Variants in ZNF860 observed in about 807,000 individuals in gnomAD.
The protein encoded by ZNF860 is zinc finger protein 860.
For synonymous variants in ZNF860, 206 were observed against 248.9 expected (o/e 0.83, Z 1.62); for missense variants, 641 against 759.2 (o/e 0.84, Z 1.83).
the ZNF860 span, among the ~76,000 whole-genome samples, chr3:32,003,930 G>A: frequency 2.6e-5 from 4 of 152,132 alleles, no homozygotes. Flanking sequence ...TGTTCACCCT[G>A]GCACAGAGGT....
the ZNF860 span, among the ~76,000 whole-genome samples, chr3:32,002,563 C>G: frequency 1.3e-5 from 2 of 152,094 alleles, no homozygotes; most frequent in Non-Finnish European, 2.9e-5. Context: ...GTCCAAAAAC[C>G]CCTCCTCCAA....
chr3:31,983,730 C>T (rs1281273698), intron 1 of ZNF860, among the ~76,000 whole-genome samples: 1 of 152,200 alleles, frequency 6.6e-6, no homozygotes, highest in Admixed American at 6.5e-5. Flanking sequence ...AGAAAGCTTT[C>T]CTTGACCTAC....
the ZNF860 span, among the ~76,000 whole-genome samples, chr3:32,000,896 A>G: frequency 6.6e-6 from 1 of 152,200 alleles, no homozygotes; most frequent in Non-Finnish European, 1.5e-5. Flanking sequence ...CAAACCAGAA[A>G]GCTTAGAGAC....
At chr3:31,999,513 ACCACGC>A in the ZNF860 span, among the ~76,000 whole-genome samples, 1 of 151,870 alleles carries the variant, frequency 6.6e-6, no homozygotes, top group Non-Finnish European at 1.5e-5. Context: ...GGCATGCACA[ACCACGC>A]CCACCTAATT....
rs532933324 is a variant in ZNF860, at chr3:31,990,931, G to A, written c.1852G>A (p.Gly618Arg). The change falls in exon 2 of 2, where the codon GGA becomes AGA. Residue 618 changes from glycine to arginine, a missense_variant. Gly to Arg is a moderately radical substitution (Grantham distance 125). Transcript: ENST00000360311. ...CATTAGACATCAGAGAATCCATACCGGACAGAAATCTTACAAATGTCATAA... is the reference window on the plus strand; with the variant it reads ...CATTAGACATCAGAGAATCCATACCAGACAGAAATCTTACAAATGTCATAA... The part of the protein sequence containing the change: ...HRIRHQRIHT[G>R]QKSYKCHKRG... 226 of 1,574,834 alleles carry A rather than the reference G, an allele frequency of 1.4e-4. 1 individual carries two copies. Among genetic ancestry groups the A allele is most frequent in the Middle Eastern group, 1.2e-3 (7 of 6,008 alleles).
downstream of ZNF860, among the ~76,000 whole-genome samples, chr3:31,995,004 A>G (rs1699075301): frequency 6.6e-6 from 1 of 152,208 alleles, no homozygotes; most frequent in African/African-American, 2.4e-5. Flanking sequence ...TCAGGATTTC[A>G]AAAGGGGAAG....
chr3:31,990,355 T>C lies in ZNF860; in HGVS notation c.1276T>C (p.Tyr426His), dbSNP rs574390239. 2.4e-5 allele frequency: 39 copies of C among 1,613,994 alleles called. No individual in the cohort carries two copies. Among genetic ancestry groups the C allele is most frequent in the Non-Finnish European group, 3.3e-5 (39 of 1,179,998 alleles). Residue 426 changes from tyrosine to histidine, a missense_variant, in exon 2 of 2, where the codon TAC (tyrosine) becomes CAC (histidine). Transcript: ENST00000360311. ...GAGAATCCATAATGAAGAGAGATCT[T>C]ACAAGTGTAATAAATGTGGCAAATT... ...HWRIHNEERS[Y>H]KCNKCGKFFR...
At chr3:32,004,326 C>T in the ZNF860 span, among the ~76,000 whole-genome samples, 1 of 152,110 alleles carries the variant, frequency 6.6e-6, no homozygotes, top group African/African-American at 2.4e-5. Context: ...GTGGTACTGG[C>T]TGCTTTTGCT....
chr3:31,989,740 C>T lies in ZNF860; in HGVS notation c.661C>T (p.Gln221Ter). The T allele has an allele frequency of 2.5e-6, 4 of 1,614,100 alleles. No individual in the cohort carries two copies. In the South Asian group the frequency reaches 3.3e-5, roughly 13 times the overall value. ...FFHSSLLTLK[Q>*]EVHIREKSFQ... Reference sequence around the variant, plus strand: ...CCATTCATCATTACTCACACTAAAACAGGAAGTACACATAAGAGAAAAATC... The same window carrying T: ...CCATTCATCATTACTCACACTAAAATAGGAAGTACACATAAGAGAAAAATC... Residue 221 changes from glutamine to a stop codon, truncating the protein, a stop_gained, in exon 2 of 2, where the codon CAG becomes TAG. Coordinates refer to ENST00000360311, the MANE Select transcript of ZNF860 (RefSeq NM_001137674.3). LOFTEE classifies it low-confidence loss of function (END_TRUNC).
chr3:31,987,225 C>T (rs1698947277), intron 1 of ZNF860, among the ~76,000 whole-genome samples: 1 of 152,044 alleles, frequency 6.6e-6, no homozygotes, highest in Non-Finnish European at 1.5e-5. Context: ...TACTATAAAA[C>T]ATATAATACT....
chr3:31,998,263 G>A, the ZNF860 span, among the ~76,000 whole-genome samples: 1 of 152,158 alleles, frequency 6.6e-6, no homozygotes, highest in Non-Finnish European at 1.5e-5. Flanking sequence ...GCCCCCAGAT[G>A]AAAGGGAAGA....
At position 31,989,325 on chromosome 3, in the gene ZNF860, A is replaced by G. The variant is rs779872387; in HGVS notation, c.246A>G (p.Thr82=). 1.2e-6 allele frequency: 2 copies of G among 1,614,138 alleles called. No individual in the cohort carries two copies. Among genetic ancestry groups the G allele is most frequent in the Non-Finnish European group, 1.7e-6 (2 of 1,180,048 alleles). The change falls in exon 2 of 2, where the codon ACA becomes ACG. Residue 82 remains threonine (T), a synonymous_variant. Coordinates refer to ENST00000360311, the MANE Select transcript of ZNF860 (RefSeq NM_001137674.3). ...KKFSSTAQGN[T]EVDTGTLERH... is the part of the protein sequence containing the mutation. Reference sequence around the variant, plus strand: ...TCTCATCAACAGCGCAAGGCAATACAGAAGTGGACACAGGGACATTAGAAA... The same window carrying G: ...TCTCATCAACAGCGCAAGGCAATACGGAAGTGGACACAGGGACATTAGAAA...
chr3:32,004,508 T>C, the ZNF860 span, among the ~76,000 whole-genome samples: 5 of 152,250 alleles, frequency 3.3e-5, no homozygotes, highest in African/African-American at 1.2e-4. Flanking sequence ...AAACAGTACT[T>C]GCTTTTCAAT....
In ZNF860 at chr3:31,990,904, C is replaced by T. The variant is rs12107615; in HGVS notation, c.1825C>T (p.Arg609Cys). The T allele has an allele frequency of 3.4e-5, 54 of 1,575,450 alleles. No homozygotes were observed. Among genetic ancestry groups the T allele is most frequent in the Middle Eastern group, 3.3e-4 (2 of 6,004 alleles). The change falls in exon 2 of 2, where the codon CGC (arginine) becomes TGC (cysteine). Residue 609 changes from arginine (R) to cysteine (C), a missense_variant. Transcript: ENST00000360311. ...CAAAGCCTTTACTTCACATTCACAT[C>T]GCATTAGACATCAGAGAATCCATAC... ...CGKAFTSHSHRIRHQRIHTGQ... is the reference protein window; with the variant it reads ...CGKAFTSHSHCIRHQRIHTGQ...
downstream of ZNF860, among the ~76,000 whole-genome samples, chr3:31,995,032 G>C (rs1341270761): frequency 6.6e-6 from 1 of 152,188 alleles, no homozygotes; most frequent in African/African-American, 2.4e-5. Flanking sequence ...TGAATAGGGA[G>C]TAGGTCACAT....
chr3:32,004,617 T>G, the ZNF860 span, among the ~76,000 whole-genome samples: 1 of 152,232 alleles, frequency 6.6e-6, no homozygotes, highest in African/African-American at 2.4e-5. Flanking sequence ...TGGAGGAATG[T>G]ATAAACTGGT....
At position 31,988,320 on chromosome 3, in the gene ZNF860, G is replaced by A. The variant is rs79009849; in HGVS notation, c.-420-340G>A. Reference sequence around the variant, plus strand: ...ACCTGACTTAGATGGTGAGATTGTGGACTTGAAGCTAGTGCAGTAATGGGA... The same window carrying A: ...ACCTGACTTAGATGGTGAGATTGTGAACTTGAAGCTAGTGCAGTAATGGGA... On this transcript the variant is annotated intron_variant, in intron 1 of 1. Transcript: ENST00000360311. Among the ~76,000 whole-genome samples, 697 of 152,270 alleles carry A rather than the reference G, an allele frequency of 4.6e-3. 5 individuals are homozygous for A. The highest frequency in any genetic ancestry group is 0.016 in the African/African-American group (660 of 41,542).
At position 31,991,021 on chromosome 3, in the gene ZNF860, A is replaced by C; in HGVS notation, c.*43A>C. The C allele has an allele frequency of 6.6e-7, 1 of 1,507,950 alleles. No homozygotes were observed. The highest frequency in any genetic ancestry group is 8.9e-7 in the Non-Finnish European group (1 of 1,118,568). 93.4% of individuals were successfully genotyped at this position (1,507,950 alleles called of 1,614,324 possible). On this transcript the variant is annotated 3_prime_UTR_variant, in exon 2 of 2. Transcript: ENST00000360311. ...ACATCAGAAAATTCATTCCTGAGAT[A>C]ATTGTTCCAAATGCAATGAGTATAG...
At position 31,989,677 on chromosome 3, in the gene ZNF860, A is replaced by C; in HGVS notation, c.598A>C (p.Lys200Gln). The change falls in exon 2 of 2, where the codon AAA becomes CAA. Residue 200 changes from lysine to glutamine, a missense_variant. Transcript: ENST00000360311. ...LTSQRISSRPKIHISNNYENN... is the reference protein window; with the variant it reads ...LTSQRISSRPQIHISNNYENN... ...GTCCCAAAGAATTTCTTCTAGGCCC[A>C]AAATCCATATTTCTAATAACTATGA... The C allele has an allele frequency of 6.2e-7, 1 of 1,614,054 alleles. No individual in the cohort carries two copies. Among genetic ancestry groups the C allele is most frequent in the Non-Finnish European group, 8.5e-7 (1 of 1,179,982 alleles).
Sources: allele counts gnomAD v4.1 joint callset (sites outside exome capture counted in the v4.1 genomes callset), GRCh38; gene constraint gnomAD v4.1.1; transcripts MANE v1.5; gene names NCBI Gene and HGNC (gene_info 2026-07-23, HGNC 2026-07-21).